Variants in KCNQ1 observed in about 807,000 individuals in gnomAD.
KCNQ1 encodes potassium voltage-gated channel subfamily KQT member 1.
A neutral mutation model predicts 72.4 loss-of-function variants in KCNQ1; 49 were observed. That is an observed-to-expected ratio of 0.68 (90% CI 0.54 to 0.86). The LOEUF (loss-of-function observed/expected upper bound fraction) is 0.86. Ranked by LOEUF, KCNQ1 falls within the 40% of genes least tolerant of loss-of-function variation. The pLI, the probability that KCNQ1 is intolerant of heterozygous loss-of-function variation, is 0.00. For synonymous variants in KCNQ1, 450 were observed against 412.6 expected (o/e 1.09, Z -1.10); for missense variants, 790 against 945.1 (o/e 0.84, Z 2.15).
At chr11:2,459,753 T>C (rs1846247444) in intron 1 of KCNQ1, among the ~76,000 whole-genome samples, 1 of 151,892 alleles carries the variant, frequency 6.6e-6, no homozygotes, top group Non-Finnish European at 1.5e-5. Context: ...TTGAGAGGCC[T>C]GGGTCTCAGA....
At chr11:2,716,075 C>T (rs962637336) in intron 11 of KCNQ1, among the ~76,000 whole-genome samples, 8 of 152,194 alleles carry the variant, frequency 5.3e-5, no homozygotes, top group Admixed American at 4.6e-4. Context: ...AGAGCACTGA[C>T]CCCACCGCCG....
chr11:2,749,641 C>CAAAAAA (rs35701102), intron 11 of KCNQ1, among the ~76,000 whole-genome samples: 4 of 87,122 alleles, frequency 4.6e-5, no homozygotes, highest in African/African-American at 1.1e-4. Context: ...ACTAAAAATA[C>CAAAAAA]AAAAAAAAAA....
At chr11:2,776,491 G>A (rs950941001) in intron 13 of KCNQ1, among the ~76,000 whole-genome samples, 3 of 152,306 alleles carry the variant, frequency 2.0e-5, no homozygotes, top group East Asian at 3.9e-4. Flanking sequence ...CCCACCGCAC[G>A]GGTCTCCCCC....
At chr11:2,741,206 G>A (rs552950274) in intron 11 of KCNQ1, among the ~76,000 whole-genome samples, 1 of 152,256 alleles carries the variant, frequency 6.6e-6, no homozygotes, top group South Asian at 2.1e-4. Context: ...AGACAGGGGA[G>A]GCCCCTATGA....
chr11:2,684,174 C>T (rs1004595448), intron 11 of KCNQ1: 3 of 398,520 alleles, frequency 7.5e-6, no homozygotes, highest in Middle Eastern at 1.2e-3. Flanking sequence ...GGAAGAGAAG[C>T]GCCCACTGGG....
intron 1 of KCNQ1, chr11:2,461,316 T>G: frequency 1.2e-6 from 1 of 840,178 alleles, no homozygotes; most frequent in Non-Finnish European, 1.6e-6. Context: ...CGCAGCAGAT[T>G]TGTAGTCTGG....
chr11:2,613,321 T>A lies in KCNQ1; in HGVS notation c.1393+24467T>A, dbSNP rs1849010916. The A allele has an allele frequency of 2.5e-6, 1 of 398,462 alleles. No individual in the cohort carries two copies. The highest frequency in any genetic ancestry group is 4.4e-6 in the Non-Finnish European group (1 of 226,058). The allele number at this position is 398,462 out of a possible 1,614,324, so 24.7% of individuals were successfully genotyped here. A position where few individuals can be genotyped will look rare whatever the true frequency, so the allele number is the denominator to read the frequency against. Reference sequence around the variant, plus strand: ...CATATCTCCAGAATTCCTTTTAAAATTTTTCTTAATCTGTCGCTTGCCCAA... The same window carrying A: ...CATATCTCCAGAATTCCTTTTAAAAATTTTCTTAATCTGTCGCTTGCCCAA... On this transcript the variant is annotated intron_variant, in intron 10 of 15. Transcript: ENST00000155840. This position sits in a 1 kb window ranked among gnomAD's most constrained non-coding sequence, Gnocchi z 4.8.
chr11:2,547,118 G>A lies in KCNQ1; in HGVS notation c.477+19100G>A, dbSNP rs1214666859. Among the ~76,000 whole-genome samples the A allele has an allele frequency of 6.6e-6, 1 of 152,172 alleles. No homozygotes were observed. The highest frequency in any genetic ancestry group is 1.5e-5 in the Non-Finnish European group (1 of 68,034). On this transcript the variant is annotated intron_variant, in intron 2 of 15. Transcript: ENST00000155840. The surrounding 1 kb of genome is among the most constrained non-coding windows in gnomAD (Gnocchi z 4.2). ...GACTGACATTCTTGGTCTCAACTCT[G>A]TCATTGTCTTTTATAATTACGTGTA...
In KCNQ1 at chr11:2,818,783, A is replaced by G. The variant is rs1277983600; in HGVS notation, c.1795-28984A>G. Among the ~76,000 whole-genome samples, 3 of 148,326 alleles carry G rather than the reference A, an allele frequency of 2.0e-5. No homozygotes were observed. The highest frequency in any genetic ancestry group is 3.0e-5 in the Non-Finnish European group (2 of 67,202). The stretch of plus-strand genomic sequence containing the variant: ...GCTAGCCTTGTGCTCAGCTGCCAGC[A>G]CAGCCCCCACCACACACTCCCCAAC... On this transcript the variant is annotated intron_variant, in intron 15 of 15. Coordinates refer to ENST00000155840, the MANE Select transcript of KCNQ1 (RefSeq NM_000218.3). The surrounding 1 kb of genome is among the most constrained non-coding windows in gnomAD (Gnocchi z 7.2).
chr11:2,732,444 G>C (rs567874150), intron 11 of KCNQ1, among the ~76,000 whole-genome samples: 1 of 152,166 alleles, frequency 6.6e-6, no homozygotes, highest in Admixed American at 6.5e-5. Context: ...TCCTGGCTTC[G>C]TTTCTTCCCT....
chr11:2,550,908 C>T lies in KCNQ1; in HGVS notation c.478-19720C>T, dbSNP rs931484906. ...GGGGGGGCACAGACTGAGACAGGGT[C>T]CCCGTGTTCCATCCATGGGGTACAG... On this transcript the variant is annotated intron_variant, in intron 2 of 15. Coordinates refer to ENST00000155840, the MANE Select transcript of KCNQ1 (RefSeq NM_000218.3). The surrounding 1 kb of genome is among the most constrained non-coding windows in gnomAD (Gnocchi z 6.0). 3.3e-5 allele frequency among the ~76,000 whole-genome samples: 5 copies of T among 152,002 alleles called. No individual in the cohort carries two copies. Among genetic ancestry groups the T allele is most frequent in the East Asian group, 1.9e-4 (1 of 5,174 alleles).
At chr11:2,545,977 T>A (rs1425718606) in intron 2 of KCNQ1, among the ~76,000 whole-genome samples, 2 of 152,170 alleles carry the variant, frequency 1.3e-5, no homozygotes, top group African/African-American at 4.8e-5. Context: ...TTGGTTTCAT[T>A]ATTTTTTTTC....
rs992900161 is a variant in KCNQ1 at position 2,647,229 on chromosome 11, G to A, written c.1394-14732G>A. On this transcript the variant is annotated intron_variant, in intron 10 of 15. Transcript: ENST00000155840. The surrounding 1 kb of genome is among the most constrained non-coding windows in gnomAD (Gnocchi z 4.0). ...ATGCTTTTTCTGCATCTATTGAGAT[G>A]ATCATGTATTTTTTTGTCCTTCCTT... The A allele has an allele frequency of 2.0e-5, 8 of 398,222 alleles. No individual in the cohort carries two copies. The highest frequency in any genetic ancestry group is 4.1e-5 in the African/African-American group (2 of 48,598). The allele number at this position is 398,222 out of a possible 1,614,324, so 24.7% of individuals were successfully genotyped here.
Position 2,494,973 on chromosome 11 carries a change from C to CT in KCNQ1, c.387-32948dup, listed in dbSNP as rs1254654193. ...GGGTGTGAATCCGTCTGGTCCTGGG[C>CT]TTTTTTTGGTTGGCAGGCTATTAAT... On this transcript the variant is annotated intron_variant, in intron 1 of 15. Transcript: ENST00000155840. The surrounding 1 kb of genome is among the most constrained non-coding windows in gnomAD (Gnocchi z 4.6). 6.6e-6 allele frequency among the ~76,000 whole-genome samples: 1 copy of CT among 151,618 alleles called. No homozygotes were observed. Among genetic ancestry groups the CT allele is most frequent in the African/African-American group, 2.4e-5 (1 of 41,330 alleles).
chr11:2,529,728 C>T (rs907332170), intron 2 of KCNQ1, among the ~76,000 whole-genome samples: 1 of 152,138 alleles, frequency 6.6e-6, no homozygotes, highest in African/African-American at 2.4e-5. Flanking sequence ...TTTTGCGTTT[C>T]CAGATAAGGG....
intron 10 of KCNQ1, chr11:2,614,033 G>A: frequency 2.5e-6 from 1 of 398,548 alleles, no homozygotes; most frequent in Non-Finnish European, 4.4e-6. Flanking sequence ...ATTCCTTAGT[G>A]TGACTGTGCT....
At chr11:2,614,426 G>GT (rs1334685920) in intron 10 of KCNQ1, 11 of 398,270 alleles carry the variant, frequency 2.8e-5, no homozygotes, top group African/African-American at 2.3e-4. Flanking sequence ...ACAATATTGT[G>GT]TTTTTTGTGT....
At chr11:2,719,108 C>T (rs1369412658) in intron 11 of KCNQ1, among the ~76,000 whole-genome samples, 1 of 152,204 alleles carries the variant, frequency 6.6e-6, no homozygotes, top group Non-Finnish European at 1.5e-5. Flanking sequence ...CGCAGAGCAC[C>T]ATCTCCAGCC....
Position 2,673,290 on chromosome 11 carries a change from A to G in KCNQ1, c.1514+11209A>G. ...TCAGCCACCTTCTCCCCTAGAAGAA[A>G]TCTTGAGAGAAACAATCCCACAGGC... On this transcript the variant is annotated intron_variant, in intron 11 of 15. Coordinates refer to ENST00000155840, the MANE Select transcript of KCNQ1 (RefSeq NM_000218.3). This position sits in a 1 kb window ranked among gnomAD's most constrained non-coding sequence, Gnocchi z 4.5. 2.5e-6 allele frequency: 1 copy of G among 398,768 alleles called. No individual in the cohort carries two copies. The highest frequency in any genetic ancestry group is 4.4e-6 in the Non-Finnish European group (1 of 226,150). The allele number at this position is 398,768 out of a possible 1,614,324, so 24.7% of individuals were successfully genotyped here.
Sources: allele counts gnomAD v4.1 joint callset (sites outside exome capture counted in the v4.1 genomes callset), GRCh38; gene constraint gnomAD v4.1.1; non-coding constraint Gnocchi (gnomAD v3.1); transcripts MANE v1.5; gene names NCBI Gene and HGNC (gene_info 2026-07-23, HGNC 2026-07-21).